The following ADAMTS6 variants were observed in gnomAD, a reference collection of about 807,000 sequenced individuals.
The protein encoded by ADAMTS6 is A disintegrin and metalloproteinase with thrombospondin motifs 6.
Under a neutral mutation model 144.3 loss-of-function variants are expected in ADAMTS6, and 23 were observed. That is an observed-to-expected ratio of 0.16 (90% CI 0.11 to 0.23). The LOEUF (loss-of-function observed/expected upper bound fraction) is 0.23. Ranked by LOEUF, ADAMTS6 falls within the 10% of genes least tolerant of loss-of-function variation. ADAMTS6 has a pLI of 1.00. For missense variants in ADAMTS6, 999 were observed against 1,379.6 expected, an observed-to-expected ratio of 0.72 and a Z score of 4.37; for synonymous variants, 444 against 457.5, an observed-to-expected ratio of 0.97 and a Z score of 0.38.
chr5:65,468,247 T>C (rs1760173841), intron 3 of ADAMTS6, among the ~76,000 whole-genome samples: 1 of 152,068 alleles, frequency 6.6e-6, no homozygotes, highest in Non-Finnish European at 1.5e-5. Context: ...TTAACAACTA[T>C]TTTATATAGA....
At position 65,452,796 on chromosome 5, in the gene ADAMTS6, C is replaced by T. The variant is rs1399944093; in HGVS notation, c.754G>A (p.Val252Met). The T allele has an allele frequency of 1.9e-5, 31 of 1,614,022 alleles. No homozygotes were observed. Among genetic ancestry groups the T allele is most frequent in the Non-Finnish European group, 2.4e-5 (28 of 1,179,986 alleles). The stretch of plus-strand genomic sequence containing the variant: ...TTGTCTGCCACTACCAATGTCTCCA[C>T]AAACCGTTCAATGCTCACTGATCTC... The part of the protein sequence containing the change: ...QKRSVSIERF[V>M]ETLVVADKMM... The change falls in exon 5 of 25, where the codon GTG (valine) becomes ATG (methionine). Residue 252 changes from valine to methionine, a missense_variant. Val to Met is a conservative substitution (Grantham distance 21). Around this residue, in one of 3 missense-constraint regions of ADAMTS6, gnomAD observed 252 missense variants for 293.7 expected, o/e 0.86. Transcript: ENST00000381055.
intron 2 of ADAMTS6, among the ~76,000 whole-genome samples, chr5:65,472,250 G>A (rs1278038608): frequency 6.6e-6 from 1 of 152,112 alleles, no homozygotes; most frequent in African/African-American, 2.4e-5. Flanking sequence ...CAGACAGAAG[G>A]TTTAGTTGCC....
chr5:65,259,537 T>C (rs1359386218), intron 14 of ADAMTS6, among the ~76,000 whole-genome samples: 1 of 152,184 alleles, frequency 6.6e-6, no homozygotes, highest in Non-Finnish European at 1.5e-5. Flanking sequence ...GAATTGACTA[T>C]TAGATTTAAC....
intron 7 of ADAMTS6, among the ~76,000 whole-genome samples, chr5:65,371,216 C>T (rs1290395498): frequency 6.6e-6 from 1 of 152,204 alleles, no homozygotes; most frequent in East Asian, 1.9e-4. Flanking sequence ...CAGAGCACCT[C>T]TCCTCCTCCA....
intron 7 of ADAMTS6, among the ~76,000 whole-genome samples, chr5:65,341,941 A>G (rs1414723097): frequency 6.6e-6 from 1 of 152,324 alleles, no homozygotes; most frequent in East Asian, 1.9e-4. Context: ...AAAATCTTCA[A>G]TAAAATAGTG....
intron 15 of ADAMTS6, among the ~76,000 whole-genome samples, chr5:65,230,690 C>T (rs868310071): frequency 1.9e-5 from 1 of 53,184 alleles, no homozygotes; most frequent in Non-Finnish European, 3.7e-5. Context: ...ATATATATAA[C>T]ACATATGTAT....
At chr5:65,242,813 C>T (rs1010853875) in intron 14 of ADAMTS6, among the ~76,000 whole-genome samples, 1 of 151,996 alleles carries the variant, frequency 6.6e-6, no homozygotes, top group Non-Finnish European at 1.5e-5. Flanking sequence ...ATTAACATCA[C>T]AGAAAATAAA....
intron 1 of ADAMTS6, among the ~76,000 whole-genome samples, chr5:65,476,460 C>G (rs1162862455): frequency 6.6e-6 from 1 of 152,200 alleles, no homozygotes; most frequent in Non-Finnish European, 1.5e-5. Flanking sequence ...GCTGAACTCA[C>G]TGGTCAGATA....
Position 65,199,433 on chromosome 5 carries a change from G to A in ADAMTS6, c.2576-2282C>T, listed in dbSNP as rs187742307. On this transcript the variant is annotated intron_variant, in intron 20 of 24. Transcript: ENST00000381055. ...CAGGGCCTCTGCAATTTGAATCATAGATGAGATATGAGTTAGTAGAGCTGT... is the reference window on the plus strand; with the variant it reads ...CAGGGCCTCTGCAATTTGAATCATAAATGAGATATGAGTTAGTAGAGCTGT... 1.7e-3 allele frequency among the ~76,000 whole-genome samples: 258 copies of A among 152,224 alleles called. 2 individuals are homozygous for A. Among genetic ancestry groups the A allele is most frequent in the African/African-American group, 5.8e-3 (242 of 41,548 alleles).
chr5:65,208,723 T>C (rs1003681536), intron 20 of ADAMTS6, among the ~76,000 whole-genome samples: 4 of 152,222 alleles, frequency 2.6e-5, no homozygotes, highest in Admixed American at 6.5e-5. Flanking sequence ...AACTTTACAA[T>C]TTTATTATTG....
intron 7 of ADAMTS6, among the ~76,000 whole-genome samples, chr5:65,363,215 GA>G (rs1749989362): frequency 6.6e-6 from 1 of 152,112 alleles, no homozygotes; most frequent in South Asian, 2.1e-4. Flanking sequence ...CCTTTTGGGA[GA>G]AATACTCAGA....
intron 11 of ADAMTS6, among the ~76,000 whole-genome samples, chr5:65,275,409 AAGAAAGAAAAG>A (rs1335785977): frequency 2.1e-5 from 3 of 144,556 alleles, no homozygotes; most frequent in Admixed American, 2.1e-4. Context: ...GAAAGAAAGA[AAGAAAGAAAAG>A]AAAGAAAGAA....
At chr5:65,236,476 A>T (rs531120157) in intron 15 of ADAMTS6, among the ~76,000 whole-genome samples, 104 of 152,160 alleles carry the variant, frequency 6.8e-4, no homozygotes, top group Admixed American at 2.2e-3. Flanking sequence ...TCGTATAGAC[A>T]AGGTCTCACT....
rs1449748240 is a variant in ADAMTS6, at chr5:65,332,310, TATAGAG to T, written c.1117+1726_1117+1731del. Among the ~76,000 whole-genome samples, 411 of 113,572 alleles carry T rather than the reference TATAGAG, an allele frequency of 3.6e-3. 2 individuals carry two copies. The highest frequency in any genetic ancestry group is 6.2e-3 in the South Asian group (21 of 3,394). 74.5% of individuals were successfully genotyped at this position (113,572 alleles called of 152,430 possible). ...GGGTATATATATATATATATATATA[TATAGAG>T]AGAGAGAGAGAGAGAGAGAGAGAGT... On this transcript the variant is annotated intron_variant, in intron 8 of 24. Transcript: ENST00000381055.
intron 24 of ADAMTS6, among the ~76,000 whole-genome samples, chr5:65,163,830 CA>C (rs1179098330): frequency 6.6e-6 from 1 of 152,212 alleles, no homozygotes; most frequent in Non-Finnish European, 1.5e-5. Flanking sequence ...TTTGTCTTCA[CA>C]TTCTTGATAA....
At position 65,370,128 on chromosome 5, in the gene ADAMTS6, G is replaced by A. The variant is rs901800654; in HGVS notation, c.1074-36043C>T. Among the ~76,000 whole-genome samples, 10 of 152,198 alleles carry A rather than the reference G, an allele frequency of 6.6e-5. No individual in the cohort carries two copies. In the East Asian group the frequency reaches 7.7e-4, roughly 12 times the overall value. On this transcript the variant is annotated intron_variant, in intron 7 of 24. Transcript: ENST00000381055. ...TTTTCATTTAGAAAGAAATAAAAGC[G>A]GCCAGGCACGGTGGCTCACGCCTGT...
At chr5:65,172,185 C>T (rs1035542989) in intron 23 of ADAMTS6, among the ~76,000 whole-genome samples, 3 of 151,200 alleles carry the variant, frequency 2.0e-5, no homozygotes, top group Non-Finnish European at 3.0e-5. Context: ...GAGGCCGAGG[C>T]GGGCGGATCA....
At chr5:65,293,312 CTTT>C (rs1402497250) in intron 10 of ADAMTS6, among the ~76,000 whole-genome samples, 1 of 151,806 alleles carries the variant, frequency 6.6e-6, no homozygotes, top group African/African-American at 2.4e-5. Context: ...TACTATAAAT[CTTT>C]TTTATGGAAA....
chr5:65,211,409 C>T (rs991313909), intron 20 of ADAMTS6, among the ~76,000 whole-genome samples: 11 of 152,076 alleles, frequency 7.2e-5, no homozygotes, highest in Admixed American at 2.0e-4. Flanking sequence ...CAAGACCAGC[C>T]TGGCCAACAT....
Sources: allele counts gnomAD v4.1 joint callset (sites outside exome capture counted in the v4.1 genomes callset), GRCh38; gene constraint gnomAD v4.1.1; regional missense constraint gnomAD v4.1.1; transcripts MANE v1.5; gene names NCBI Gene and HGNC (gene_info 2026-07-23, HGNC 2026-07-21).